Variants in RCC1 observed in about 807,000 individuals in gnomAD.
RCC1 encodes the protein regulator of chromosome condensation 1, also known as regulator of chromosome condensation.
RCC1 carries 11 observed loss-of-function variants against 44.4 expected under a neutral mutation model. The ratio of observed to expected loss-of-function variants is 0.25; its 90% CI spans 0.16 to 0.41. RCC1 has a LOEUF of 0.41. RCC1 is among the 10% of genes least tolerant of loss of function. The pLI is 1.00. For missense variants in RCC1, 386 were observed against 547.1 expected, an observed-to-expected ratio of 0.71 and a Z score of 2.94; for synonymous variants, 213 against 216.5, an observed-to-expected ratio of 0.98 and a Z score of 0.14.
intron 2 of RCC1, 72 bp downstream of exon 2, chr1:28,508,232 G>A (rs565896669): frequency 7.4e-6 from 3 of 405,840 alleles, no homozygotes; most frequent in South Asian, 5.0e-5. Context: ...AAATAGGATT[G>A]AAGAGACTTT....
chr1:28,535,915 A>C lies in RCC1; in HGVS notation c.706A>C (p.Ser236Arg), dbSNP rs765897836. The C allele has an allele frequency of 6.2e-7, 1 of 1,614,104 alleles. No individual in the cohort carries two copies. Among genetic ancestry groups the C allele is most frequent in the South Asian group, 1.1e-5 (1 of 91,070 alleles). The change falls in exon 10 of 13, where the codon AGC becomes CGC. Residue 236 changes from serine to arginine, a missense_variant. Transcript: ENST00000683442. ...PKCVMLKSRG[S>R]RGHVRFQDAF... ...GTGTGTGATGCTGAAATCCAGGGGA[A>C]GCCGGGGCCACGTGAGATTCCAGGA...
intron 4 of RCC1, among the ~76,000 whole-genome samples, chr1:28,525,552 C>T (rs554682255): frequency 2.6e-5 from 4 of 152,236 alleles, no homozygotes; most frequent in Admixed American, 2.6e-4. Context: ...TCCCTCTAAT[C>T]CCAAAGAATG....
chr1:28,510,702 G>GA (rs1662470752), intron 3 of RCC1: 1 of 152,236 alleles, frequency 6.6e-6, no homozygotes, highest in Non-Finnish European at 1.5e-5. Context: ...TTCCAATGGG[G>GA]AATCCCAGGA....
At chr1:28,516,981 C>CT (rs1662933412) in intron 4 of RCC1, 114 bp downstream of exon 4, 2 of 408,776 alleles carry the variant, frequency 4.9e-6, no homozygotes, top group Non-Finnish European at 9.8e-6. Context: ...ATTAGCCAGG[C>CT]TTTGTGGCAG....
chr1:28,534,270 T>C (rs946597471), intron 7 of RCC1, among the ~76,000 whole-genome samples: 1 of 152,092 alleles, frequency 6.6e-6, no homozygotes, highest in African/African-American at 2.4e-5. Flanking sequence ...AAGCTCTGCC[T>C]CCCTGATTCA....
rs1302179327 is a variant in RCC1, at chr1:28,516,771, G to A, written c.-106G>A. 2.2e-6 allele frequency: 1 copy of A among 455,650 alleles called. No homozygotes were observed. The highest frequency in any genetic ancestry group is 4.4e-6 in the Non-Finnish European group (1 of 226,652). 28.2% of individuals were successfully genotyped at this position (455,650 alleles called of 1,614,324 possible). On this transcript the variant is annotated 5_prime_UTR_variant, in exon 4 of 13. Coordinates refer to ENST00000683442, the MANE Select transcript of RCC1 (RefSeq NM_001381865.2). ...TGGAGGAAGACAGCAGAGAGAGAGA[G>A]AGAGATCAGAGATCCCAGGGTTAAA...
chr1:28,507,569 G>T (rs1258407432), intron 1 of RCC1: 1 of 512,564 alleles, frequency 2.0e-6, no homozygotes, highest in South Asian at 1.4e-5. Context: ...GCAGGAAACA[G>T]CCTTCTAGAG....
At chr1:28,526,424 T>C in intron 4 of RCC1, 1 of 465,264 alleles carries the variant, frequency 2.1e-6, no homozygotes. Context: ...TAGTTAAATC[T>C]GACAAGGGTG....
At chr1:28,530,499 TCAGA>T (rs1464976223) in intron 5 of RCC1, 14 of 1,588,794 alleles carry the variant, frequency 8.8e-6, no homozygotes, top group African/African-American at 1.3e-5. Flanking sequence ...GGACCCACGC[TCAGA>T]CAGTGTCTGT....
At chr1:28,514,984 A>C (rs780713060) in intron 3 of RCC1, among the ~76,000 whole-genome samples, 2 of 152,210 alleles carry the variant, frequency 1.3e-5, no homozygotes, top group Non-Finnish European at 2.9e-5. Flanking sequence ...TTACAGCCAG[A>C]ACCTCCATAT....
intron 9 of RCC1, chr1:28,535,591 T>C: frequency 1.2e-6 from 1 of 822,242 alleles, no homozygotes. Context: ...TCTACCTACC[T>C]GTAAACCTAC....
At chr1:28,507,397 C>T in intron 1 of RCC1, 1 of 519,082 alleles carries the variant, frequency 1.9e-6, no homozygotes, top group Non-Finnish European at 3.8e-6. Flanking sequence ...GGTCACTCTC[C>T]CCGGGCTCTG....
chr1:28,507,296 T>A lies in RCC1; in HGVS notation c.-261-832T>A, dbSNP rs144237736. 3.7e-3 allele frequency: 1,831 copies of A among 500,844 alleles called. 24 individuals are homozygous for A. The highest frequency in any genetic ancestry group is 0.033 in the African/African-American group (1,684 of 51,508). 31.0% of individuals were successfully genotyped at this position (500,844 alleles called of 1,614,324 possible). A position where few individuals can be genotyped will look rare whatever the true frequency, so the allele number is the denominator to read the frequency against. ...AACTCGTTTGCTTTCTTGTTTAAGA[T>A]CTGTAGTAACATGAATGGATGAAAT... On this transcript the variant is annotated intron_variant, in intron 1 of 12. Transcript: ENST00000683442.
intron 7 of RCC1, chr1:28,532,661 C>T (rs1664252594): frequency 4.0e-6 from 2 of 505,214 alleles, no homozygotes; most frequent in South Asian, 1.6e-5. Context: ...CTGTCTCCCC[C>T]TCACCTTGCC....
intron 5 of RCC1, among the ~76,000 whole-genome samples, chr1:28,531,222 G>A (rs1311942205): frequency 3.3e-5 from 5 of 149,606 alleles, no homozygotes; most frequent in East Asian, 1.9e-4. Context: ...GGGAGACTCC[G>A]TCTCAAAATA....
intron 4 of RCC1, chr1:28,527,025 C>A (rs972299887): frequency 7.3e-6 from 6 of 820,670 alleles, no homozygotes; most frequent in Non-Finnish European, 1.3e-5. Context: ...AAATAGGGCG[C>A]ATGCTGGGTG....
chr1:28,526,711 C>G (rs980636632), intron 4 of RCC1: 3 of 508,524 alleles, frequency 5.9e-6, no homozygotes, highest in African/African-American at 5.8e-5. Flanking sequence ...GCCTCACCAA[C>G]ATGGTGAAAT....
Position 28,508,871 on chromosome 1 carries a change from T to A in RCC1, c.-187T>A, listed in dbSNP as rs1662266740. The A allele has an allele frequency of 1.9e-6, 1 of 517,316 alleles. No homozygotes were observed. Among genetic ancestry groups the A allele is most frequent in the South Asian group, 1.4e-5 (1 of 71,192 alleles). The allele number at this position is 517,316 out of a possible 1,614,324, so 32.0% of individuals were successfully genotyped here. ...CACTTCGCATTTTGGCATTGACATTTAATTTTAGGGTCCTTTATATAGAAG... is the reference window on the plus strand; with the variant it reads ...CACTTCGCATTTTGGCATTGACATTAAATTTTAGGGTCCTTTATATAGAAG... On this transcript the variant is annotated 5_prime_UTR_variant, in exon 3 of 13. Transcript: ENST00000683442.
chr1:28,506,329 C>A (rs1661924894), intron 1 of RCC1: 1 of 408,070 alleles, frequency 2.5e-6, no homozygotes. Context: ...GGATTACAGG[C>A]ACGTGCCACC....
Sources: allele counts gnomAD v4.1 joint callset (sites outside exome capture counted in the v4.1 genomes callset), GRCh38; gene constraint gnomAD v4.1.1; transcripts MANE v1.5; gene names NCBI Gene and HGNC (gene_info 2026-07-23, HGNC 2026-07-21).